The following COL4A3 variants were observed in gnomAD, a reference collection of about 807,000 sequenced individuals.
COL4A3 encodes collagen alpha-3(IV) chain.
In COL4A3, 135 loss-of-function variants were observed where a neutral mutation model predicts 217.4. The ratio of observed to expected loss-of-function variants is 0.62; its 90% CI spans 0.54 to 0.72. The LOEUF (loss-of-function observed/expected upper bound fraction) is 0.72. COL4A3 is among the 30% of genes least tolerant of loss of function. The pLI is 0.00. For missense variants in COL4A3, 1,868 were observed against 2,119.9 expected (o/e 0.88, Z 2.33); for synonymous variants, 690 against 736.3 (o/e 0.94, Z 1.02).
chr2:227,291,668 G>C (rs1574809696), intron 37 of COL4A3, among the ~76,000 whole-genome samples: 1 of 149,890 alleles, frequency 6.7e-6, no homozygotes, highest in East Asian at 1.9e-4. Context: ...TCATTAGAAA[G>C]CGAACAAAAT....
Position 227,304,144 on chromosome 2 carries a change from G to A in COL4A3, c.4153G>A (p.Gly1385Arg). 2 of 1,613,964 alleles carry A rather than the reference G, an allele frequency of 1.2e-6. No homozygotes were observed. The highest frequency in any genetic ancestry group is 2.2e-5 in the South Asian group (2 of 91,076). ...PGPPGPPGNL[G>R]PCGPRGKPGK... is the part of the protein sequence containing the mutation. ...GCCACCAGGGCCACCTGGAAACCTAGGTGTGGGACTGGCAGCATTGACTTG... is the reference window on the plus strand; with the variant it reads ...GCCACCAGGGCCACCTGGAAACCTAAGTGTGGGACTGGCAGCATTGACTTG... Residue 1385 changes from glycine to arginine, a missense_variant and splice_region_variant, in exon 46 of 52, where the codon GGA becomes AGA. This residue lies in a region of COL4A3 where 1,503 missense variants were observed against 1,786.1 expected (regional missense o/e 0.84). Transcript: ENST00000396578.
At position 227,279,457 on chromosome 2, in the gene COL4A3, A is replaced by G. The variant is rs865804028; in HGVS notation, c.2126-336A>G. ...TAATCTAGGTCATGCTTACATGAATATATCCATATATAAAAATCCACTTAC... is the reference window on the plus strand; with the variant it reads ...TAATCTAGGTCATGCTTACATGAATGTATCCATATATAAAAATCCACTTAC... On this transcript the variant is annotated intron_variant, in intron 28 of 51. Coordinates refer to ENST00000396578, the MANE Select transcript of COL4A3 (RefSeq NM_000091.5). 5 of 235,686 alleles carry G rather than the reference A, an allele frequency of 2.1e-5. No homozygotes were observed. The South Asian group carries it at 3.1e-4, about 15-fold the overall frequency. The allele number at this position is 235,686 out of a possible 1,614,324, so 14.6% of individuals were successfully genotyped here. A position where few individuals can be genotyped will look rare whatever the true frequency, so the allele number is the denominator to read the frequency against.
intron 1 of COL4A3, among the ~76,000 whole-genome samples, chr2:227,224,426 G>GAAAA (rs1465179320): frequency 6.6e-6 from 1 of 152,056 alleles, no homozygotes; most frequent in African/African-American, 2.4e-5. Context: ...TTTCCAAACT[G>GAAAA]AAAAAACAAA....
chr2:227,253,715 T>A lies in COL4A3; in HGVS notation c.765+77T>A, dbSNP rs578056779. 65 of 1,235,828 alleles carry A rather than the reference T, an allele frequency of 5.3e-5. No individual in the cohort carries two copies. The African/African-American group carries it at 6.7e-4, about 13-fold the overall frequency. The allele number at this position is 1,235,828 out of a possible 1,614,324, so 76.6% of individuals were successfully genotyped here. On this transcript the variant is annotated intron_variant, in intron 13 of 51. Coordinates refer to ENST00000396578, the MANE Select transcript of COL4A3 (RefSeq NM_000091.5). The surrounding 1 kb of genome is among the most constrained non-coding windows in gnomAD (Gnocchi z 4.4). ...AGTCCTTGTGACCCTGCACCTCTTT[T>A]ACAAGCTCTTGTTATCTAAGTCCAG...
intron 4 of COL4A3, 100 bp downstream of exon 4, chr2:227,244,464 T>C (rs879035904): frequency 1.0e-5 from 12 of 1,152,150 alleles, no homozygotes; most frequent in Middle Eastern, 1.9e-4. Flanking sequence ...TATGGTTCCA[T>C]AGATGAAGTT....
At chr2:227,258,155 G>T (rs115996032) in intron 18 of COL4A3, among the ~76,000 whole-genome samples, 1 of 152,184 alleles carries the variant, frequency 6.6e-6, no homozygotes, top group Non-Finnish European at 1.5e-5. Flanking sequence ...TGCAGCTGAC[G>T]AAAAGGAGAA....
chr2:227,246,358 T>C (rs2069337464), intron 6 of COL4A3: 1 of 501,566 alleles, frequency 2.0e-6, no homozygotes, highest in Admixed American at 3.3e-5. Flanking sequence ...CACCTCCTTT[T>C]GTTTTCGAAC....
At chr2:227,292,658 CAT>C (rs1373560222) in intron 37 of COL4A3, among the ~76,000 whole-genome samples, 1 of 152,188 alleles carries the variant, frequency 6.6e-6, no homozygotes, top group African/African-American at 2.4e-5. Context: ...GTTTTTAAAA[CAT>C]GTGATTGACA....
intron 1 of COL4A3, among the ~76,000 whole-genome samples, chr2:227,206,594 C>T (rs1464150510): frequency 6.6e-6 from 1 of 152,096 alleles, no homozygotes; most frequent in African/African-American, 2.4e-5. Context: ...AAATGCGGCC[C>T]GTGACCTCAT....
intron 1 of COL4A3, among the ~76,000 whole-genome samples, chr2:227,167,614 G>A (rs1164976712): frequency 2.0e-5 from 3 of 152,230 alleles, no homozygotes; most frequent in African/African-American, 4.8e-5. Context: ...AGAAGCAAAT[G>A]TCAAAACGTG....
At chr2:227,195,933 CAAT>C (rs1296228863) in intron 1 of COL4A3, among the ~76,000 whole-genome samples, 2 of 151,096 alleles carry the variant, frequency 1.3e-5, no homozygotes, top group Non-Finnish European at 2.9e-5. Flanking sequence ...AAAAGTTAAA[CAAT>C]AAATAAATAA....
intron 1 of COL4A3, among the ~76,000 whole-genome samples, chr2:227,219,236 G>A (rs996004845): frequency 6.6e-6 from 1 of 152,012 alleles, no homozygotes; most frequent in Non-Finnish European, 1.5e-5. Context: ...CCCAAACTCA[G>A]GTGATCTGCC....
At position 227,191,098 on chromosome 2, in the gene COL4A3, C is replaced by T. The variant is rs1463064623; in HGVS notation, c.87+26285C>T. On this transcript the variant is annotated intron_variant, in intron 1 of 51. Coordinates refer to ENST00000396578, the MANE Select transcript of COL4A3 (RefSeq NM_000091.5). The surrounding 1 kb of genome is among the most constrained non-coding windows in gnomAD (Gnocchi z 6.8). ...TCTTTTTTCTCTTAAAAATAGACTACATAAATAATACGTATATGGCCATGG... is the reference window on the plus strand; with the variant it reads ...TCTTTTTTCTCTTAAAAATAGACTATATAAATAATACGTATATGGCCATGG... Among the ~76,000 whole-genome samples the T allele has an allele frequency of 6.6e-6, 1 of 152,010 alleles. No homozygotes were observed. The highest frequency in any genetic ancestry group is 2.4e-5 in the African/African-American group (1 of 41,390).
At chr2:227,284,111 G>A in intron 33 of COL4A3, 100 bp from the exon 34 acceptor site, 1 of 1,505,084 alleles carries the variant, frequency 6.6e-7, no homozygotes, top group Admixed American at 1.8e-5. Context: ...AGCCTTTTTT[G>A]TTTGATTTGT....
chr2:227,214,998 C>T (rs193206266), intron 1 of COL4A3, among the ~76,000 whole-genome samples: 6 of 152,260 alleles, frequency 3.9e-5, no homozygotes, highest in East Asian at 1.9e-4. Flanking sequence ...ATGTCTGAAA[C>T]GTATACTGGA....
chr2:227,212,660 T>C (rs1255421498), intron 1 of COL4A3, among the ~76,000 whole-genome samples: 1 of 152,190 alleles, frequency 6.6e-6, no homozygotes, highest in Admixed American at 6.5e-5. Flanking sequence ...TTACTATAAT[T>C]TTATACTATA....
intron 36 of COL4A3, 134 bp from the exon 37 acceptor site, chr2:227,290,613 A>G (rs1405977543): frequency 4.1e-6 from 3 of 724,598 alleles, no homozygotes; most frequent in Non-Finnish European, 7.0e-6. Flanking sequence ...ATAATCATCT[A>G]TTGTAACTAC....
chr2:227,218,036 G>A (rs2125810250), intron 1 of COL4A3, among the ~76,000 whole-genome samples: 1 of 143,758 alleles, frequency 7.0e-6, no homozygotes, highest in African/African-American at 2.5e-5. Context: ...CACATATATA[G>A]TTATAACTAT....
intron 1 of COL4A3, among the ~76,000 whole-genome samples, chr2:227,202,480 C>G (rs2066727497): frequency 1.3e-5 from 2 of 150,940 alleles, no homozygotes; most frequent in Non-Finnish European, 1.5e-5. Flanking sequence ...CGCGGTGGCT[C>G]TCTCCTGTAA....
Sources: allele counts gnomAD v4.1 joint callset (sites outside exome capture counted in the v4.1 genomes callset), GRCh38; gene constraint gnomAD v4.1.1; regional missense constraint gnomAD v4.1.1; non-coding constraint Gnocchi (gnomAD v3.1); transcripts MANE v1.5; gene names NCBI Gene and HGNC (gene_info 2026-07-23, HGNC 2026-07-21).